Variants in DAB1 observed in about 807,000 individuals in gnomAD.
DAB1 encodes the protein disabled homolog 1.
In DAB1, 15 loss-of-function variants were observed where a neutral mutation model predicts 64.6. The observed-to-expected ratio is 0.23, with a 90% CI of 0.16 to 0.36. DAB1 has a LOEUF of 0.36. Ranked by LOEUF, DAB1 falls within the 10% of genes least tolerant of loss-of-function variation. The pLI, the probability that DAB1 is intolerant of heterozygous loss-of-function variation, is 1.00. For synonymous variants in DAB1, 235 were observed against 251.9 expected (o/e 0.93, Z 0.64); for missense variants, 596 against 706.7 (o/e 0.84, Z 1.78).
At chr1:57,550,137 T>G (rs1295638995) in intron 7 of DAB1, among the ~76,000 whole-genome samples, 2 of 152,190 alleles carry the variant, frequency 1.3e-5, no homozygotes, top group Non-Finnish European at 2.9e-5. Context: ...CACCTCAGTT[T>G]GTTCTTCTGT....
chr1:58,373,486 T>C (rs1644290326), intron 3 of DAB1, among the ~76,000 whole-genome samples: 1 of 151,444 alleles, frequency 6.6e-6, no homozygotes, highest in African/African-American at 2.4e-5. Context: ...TCCATGTCCC[T>C]ACAAAGGACA....
intron 1 of DAB1, among the ~76,000 whole-genome samples, chr1:57,375,578 A>G (rs1262457038): frequency 2.0e-5 from 3 of 152,208 alleles, no homozygotes; most frequent in Non-Finnish European, 4.4e-5. Context: ...TCACAGGGCT[A>G]CTAAACATAA....
At chr1:57,914,184 T>C (rs1298018420) in intron 5 of DAB1, among the ~76,000 whole-genome samples, 1 of 152,024 alleles carries the variant, frequency 6.6e-6, no homozygotes, top group East Asian at 1.9e-4. Flanking sequence ...AGCAAAGACT[T>C]GGAACCAACC....
chr1:57,005,928 A>G lies in DAB1; in HGVS notation c.*15+4752T>C, dbSNP rs191485653. ...TTATTATTATTAGTAAGTGAAAGGT[A>G]TCATGATTACCTTCTGCAGTGGTTC... On this transcript the variant is annotated intron_variant, in intron 14 of 14. Transcript: ENST00000371236. Among the ~76,000 whole-genome samples, 187 of 152,348 alleles carry G rather than the reference A, an allele frequency of 1.2e-3. 1 individual carries two copies. Among genetic ancestry groups the G allele is most frequent in the African/African-American group, 4.2e-3 (176 of 41,580 alleles).
intron 2 of DAB1, among the ~76,000 whole-genome samples, chr1:57,246,474 A>T (rs754996450): frequency 6.6e-5 from 10 of 152,220 alleles, no homozygotes; most frequent in Non-Finnish European, 1.5e-4. Flanking sequence ...CAGAGGATGT[A>T]TAGAAATGCC....
intron 2 of DAB1, among the ~76,000 whole-genome samples, chr1:57,247,697 G>A (rs1421640218): frequency 6.6e-6 from 1 of 152,178 alleles, no homozygotes; most frequent in African/African-American, 2.4e-5. Flanking sequence ...CTTCCTTGTT[G>A]TTAGGAAAGC....
chr1:57,808,197 G>A (rs996688380), intron 6 of DAB1, among the ~76,000 whole-genome samples: 111 of 148,292 alleles, frequency 7.5e-4, no homozygotes, highest in African/African-American at 2.6e-3. Flanking sequence ...ACATGCACAT[G>A]CACACACACA....
At chr1:58,232,981 C>T (rs1659851896) in intron 4 of DAB1, among the ~76,000 whole-genome samples, 1 of 152,206 alleles carries the variant, frequency 6.6e-6, no homozygotes, top group Admixed American at 6.5e-5. Flanking sequence ...AACACACTCA[C>T]TGTTTTCTTC....
intron 3 of DAB1, among the ~76,000 whole-genome samples, chr1:58,356,761 C>G (rs1235333045): frequency 6.6e-6 from 1 of 152,078 alleles, no homozygotes; most frequent in Non-Finnish European, 1.5e-5. Context: ...TGGCTCATGT[C>G]TGTAATCCCA....
chr1:57,520,907 G>T (rs1644518011), intron 7 of DAB1, among the ~76,000 whole-genome samples: 1 of 151,968 alleles, frequency 6.6e-6, no homozygotes, highest in Non-Finnish European at 1.5e-5. Flanking sequence ...GAGGGAGCAG[G>T]ACAGTCAAGC....
chr1:57,648,476 C>T (rs904850400), intron 7 of DAB1, among the ~76,000 whole-genome samples: 1 of 152,178 alleles, frequency 6.6e-6, no homozygotes, highest in Non-Finnish European at 1.5e-5. Context: ...AAAAAGGTTT[C>T]TCAGCCTCCT....
intron 6 of DAB1, among the ~76,000 whole-genome samples, chr1:57,661,622 C>T (rs1264542525): frequency 1.1e-4 from 16 of 152,068 alleles, no homozygotes; most frequent in Admixed American, 9.2e-4. Context: ...ATACCAAAAT[C>T]CATGGATGCT....
Position 58,520,006 on chromosome 1 carries a change from C to T in DAB1, n.107+7255G>A, listed in dbSNP as rs560095373. On this transcript the variant is annotated intron_variant and non_coding_transcript_variant, in intron 2 of 20. Transcript: ENST00000485760. ...GGACAGTCAGAGGTTAAGTGATTAGCCTATTGCATGTTCTCACTCATAAGG... is the reference window on the plus strand; with the variant it reads ...GGACAGTCAGAGGTTAAGTGATTAGTCTATTGCATGTTCTCACTCATAAGG... Among the ~76,000 whole-genome samples, 128 of 152,142 alleles carry T rather than the reference C, an allele frequency of 8.4e-4. 1 individual carries two copies. Among genetic ancestry groups the T allele is most frequent in the African/African-American group, 3.0e-3 (126 of 41,512 alleles).
At chr1:57,080,670 G>T (rs1237074482) in intron 4 of DAB1, among the ~76,000 whole-genome samples, 2 of 152,044 alleles carry the variant, frequency 1.3e-5, no homozygotes, top group Non-Finnish European at 2.9e-5. Flanking sequence ...GTGGAGCCAG[G>T]TGTGTTTAAT....
At chr1:57,502,996 T>A (rs1310073219) in intron 7 of DAB1, among the ~76,000 whole-genome samples, 1 of 152,188 alleles carries the variant, frequency 6.6e-6, no homozygotes, top group African/African-American at 2.4e-5. Context: ...GGTACTAGTA[T>A]CTCTCCACCT....
At chr1:58,171,257 C>T (rs1031536805) in intron 4 of DAB1, among the ~76,000 whole-genome samples, 2 of 152,258 alleles carry the variant, frequency 1.3e-5, no homozygotes, top group Non-Finnish European at 2.9e-5. Flanking sequence ...AAAAAATGCC[C>T]GCCCAGTCCA....
intron 7 of DAB1, among the ~76,000 whole-genome samples, chr1:57,637,552 T>A (rs566812907): frequency 6.6e-6 from 1 of 152,150 alleles, no homozygotes; most frequent in African/African-American, 2.4e-5. Context: ...GGTATGTGTA[T>A]CAAAACCAAG....
chr1:57,155,344 T>C (rs995271579), intron 2 of DAB1, among the ~76,000 whole-genome samples: 2 of 152,140 alleles, frequency 1.3e-5, no homozygotes, highest in Non-Finnish European at 2.9e-5. Flanking sequence ...GTAGGTGTGT[T>C]GATTTGTTTC....
intron 4 of DAB1, among the ~76,000 whole-genome samples, chr1:58,171,471 T>C (rs1344206720): frequency 6.6e-6 from 1 of 152,232 alleles, no homozygotes; most frequent in Admixed American, 6.5e-5. Context: ...CTTAGACTCA[T>C]CAATGAGGCA....
Sources: gnomAD v4.1 joint callset for allele counts (sites outside exome capture counted in the v4.1 genomes callset) on GRCh38, gnomAD v4.1.1 for gene constraint, MANE v1.5 for transcripts, NCBI Gene and HGNC (gene_info 2026-07-23, HGNC 2026-07-21) for gene names.